STAG1: variants seen among roughly 807,000 people sequenced by gnomAD.
The protein encoded by STAG1 is STAG1 cohesin complex component.
A neutral mutation model predicts 170.9 loss-of-function variants in STAG1; 26 were observed. The observed-to-expected ratio is 0.15, with a 90% CI of 0.11 to 0.21. The LOEUF is 0.21. Ranked by LOEUF, STAG1 falls within the 10% of genes least tolerant of loss-of-function variation. STAG1 has a pLI of 1.00. For missense variants in STAG1, 964 were observed against 1,509.5 expected (o/e 0.64, Z 5.99); for synonymous variants, 514 against 497.7 (o/e 1.03, Z -0.44).
intron 6 of STAG1, among the ~76,000 whole-genome samples, chr3:136,526,656 G>C (rs1935048892): frequency 6.6e-6 from 1 of 152,150 alleles, no homozygotes; most frequent in African/African-American, 2.4e-5. Flanking sequence ...TGGTTATTTT[G>C]TTCATTAGTT....
intron 5 of STAG1, among the ~76,000 whole-genome samples, chr3:136,549,985 TCATTTGGTGAATA>T (rs1301663184): frequency 1.3e-5 from 2 of 152,204 alleles, no homozygotes; most frequent in Non-Finnish European, 2.9e-5. Context: ...TAATTGACTT[TCATTTGGTGAATA>T]ATATGCTGTT....
chr3:136,582,276 T>C (rs1359987186), intron 4 of STAG1, among the ~76,000 whole-genome samples: 1 of 152,082 alleles, frequency 6.6e-6, no homozygotes, highest in East Asian at 1.9e-4. Context: ...ATACCTGCAA[T>C]GAGAGAAGTT....
intron 14 of STAG1, among the ~76,000 whole-genome samples, chr3:136,449,286 C>T (rs1427240866): frequency 6.6e-6 from 1 of 152,080 alleles, no homozygotes; most frequent in Non-Finnish European, 1.5e-5. Context: ...CAGGGCCAGG[C>T]GTGGTGGCTC....
intron 1 of STAG1, among the ~76,000 whole-genome samples, chr3:136,725,289 T>C (rs1345460693): frequency 2.6e-5 from 4 of 152,124 alleles, no homozygotes; most frequent in South Asian, 4.1e-4. Context: ...GGTGTGTGTG[T>C]GTGTGTGTTT....
intron 1 of STAG1, among the ~76,000 whole-genome samples, chr3:136,723,090 T>C (rs972037402): frequency 4.6e-5 from 7 of 152,312 alleles, no homozygotes; most frequent in East Asian, 1.9e-4. Flanking sequence ...AGTGCCGAGA[T>C]TGCAGCCTCT....
At chr3:136,459,224 A>C (rs2107788769) in intron 13 of STAG1, among the ~76,000 whole-genome samples, 1 of 151,648 alleles carries the variant, frequency 6.6e-6, no homozygotes, top group Admixed American at 6.6e-5. Context: ...CTTAAAGAAA[A>C]AAAAAAAAAA....
chr3:136,641,249 T>C (rs1468274928), intron 1 of STAG1, among the ~76,000 whole-genome samples: 2 of 152,154 alleles, frequency 1.3e-5, no homozygotes, highest in Non-Finnish European at 2.9e-5. Flanking sequence ...TTTTTTCAGA[T>C]GGGAATCAAT....
chr3:136,616,255 C>G (rs946072092), intron 3 of STAG1, among the ~76,000 whole-genome samples: 5 of 139,752 alleles, frequency 3.6e-5, no homozygotes, highest in African/African-American at 1.4e-4. Context: ...GGCGACAGAG[C>G]AAGACTCCGT....
At chr3:136,630,780 T>C in intron 2 of STAG1, 90 bp downstream of exon 2, 1 of 893,226 alleles carries the variant, frequency 1.1e-6, no homozygotes, top group Non-Finnish European at 1.8e-6. Flanking sequence ...ATATTTGAAA[T>C]GTATCATCGA....
intron 3 of STAG1, among the ~76,000 whole-genome samples, chr3:136,608,811 A>G (rs1939102110): frequency 6.6e-6 from 1 of 151,914 alleles, no homozygotes; most frequent in Non-Finnish European, 1.5e-5. Flanking sequence ...AAAAAAAAAA[A>G]AAAAAAAAGA....
Position 136,379,206 on chromosome 3 carries a change from G to T in STAG1, c.2278-1454C>A, listed in dbSNP as rs1378422368. 2.6e-5 allele frequency among the ~76,000 whole-genome samples: 4 copies of T among 152,094 alleles called. 1 individual carries two copies. The South Asian group carries it at 6.2e-4, about 24-fold the overall frequency. ...TTTAAACATTCAAAATACACTGAGG[G>T]AAACAGATAAGAGAACAGGCAACTG... is the stretch of plus-strand genomic sequence containing the variant. On this transcript the variant is annotated intron_variant, in intron 22 of 33. Coordinates refer to ENST00000383202, the MANE Select transcript of STAG1 (RefSeq NM_005862.3).
At chr3:136,708,471 A>C (rs1465642218) in intron 1 of STAG1, among the ~76,000 whole-genome samples, 1 of 152,112 alleles carries the variant, frequency 6.6e-6, no homozygotes, top group Non-Finnish European at 1.5e-5. Context: ...GAGGGTGTCA[A>C]GGAAATAGGA....
chr3:136,521,042 A>G (rs1361534204), intron 7 of STAG1, among the ~76,000 whole-genome samples, 171 bp downstream of exon 7: 1 of 152,156 alleles, frequency 6.6e-6, no homozygotes, highest in Non-Finnish European at 1.5e-5. Flanking sequence ...TTCATTCTTA[A>G]GGCTATCAAA....
intron 1 of STAG1, chr3:136,736,865 A>G: frequency 5.7e-6 from 9 of 1,582,490 alleles, no homozygotes; most frequent in Non-Finnish European, 7.8e-6. Flanking sequence ...TGGTCAACGT[A>G]TTCTTTTCCT....
intron 1 of STAG1, among the ~76,000 whole-genome samples, chr3:136,658,876 AC>A (rs1445717719): frequency 2.0e-5 from 3 of 152,140 alleles, no homozygotes; most frequent in Non-Finnish European, 4.4e-5. Context: ...AATTTTACTT[AC>A]TTTACTGGCC....
intron 1 of STAG1, among the ~76,000 whole-genome samples, chr3:136,668,027 C>T (rs190305931): frequency 6.6e-6 from 1 of 151,550 alleles, no homozygotes; most frequent in East Asian, 2.0e-4. Context: ...AGATAACTGG[C>T]CAATTGGTTC....
intron 1 of STAG1, among the ~76,000 whole-genome samples, chr3:136,636,185 T>C (rs891324710): frequency 5.3e-5 from 8 of 151,840 alleles, no homozygotes; most frequent in African/African-American, 1.9e-4. Flanking sequence ...AAGGCAGAGA[T>C]TGCAGTGAGC....
intron 22 of STAG1, among the ~76,000 whole-genome samples, chr3:136,389,448 A>C (rs1402487058): frequency 6.6e-6 from 1 of 152,074 alleles, no homozygotes; most frequent in Non-Finnish European, 1.5e-5. Flanking sequence ...GCACACCACC[A>C]CACTTGGCTA....
intron 1 of STAG1, among the ~76,000 whole-genome samples, chr3:136,739,229 C>T (rs1036162571): frequency 5.3e-5 from 8 of 152,118 alleles, no homozygotes; most frequent in African/African-American, 7.2e-5. Flanking sequence ...TCAAACACTA[C>T]ACACTGGGTG....
Sources: gnomAD v4.1 joint callset for allele counts (sites outside exome capture counted in the v4.1 genomes callset) on GRCh38, gnomAD v4.1.1 for gene constraint, MANE v1.5 for transcripts, NCBI Gene and HGNC (gene_info 2026-07-23, HGNC 2026-07-21) for gene names.